MAD1L1: variants seen among roughly 807,000 people sequenced by gnomAD.
MAD1L1 encodes mitotic spindle assembly checkpoint protein MAD1.
MAD1L1 carries 95 observed loss-of-function variants against 96.9 expected under a neutral mutation model. The observed-to-expected ratio is 0.98, with a 90% CI of 0.83 to 1.16. The LOEUF (loss-of-function observed/expected upper bound fraction) is 1.16, where lower values mean the gene tolerates loss of function less well. Ranked by LOEUF, MAD1L1 falls within the 50% of genes most tolerant of loss-of-function variation. The pLI is 0.00. For missense variants in MAD1L1, 1,007 were observed against 954.4 expected, an observed-to-expected ratio of 1.06 and a Z score of -0.73; for synonymous variants, 473 against 396.6, an observed-to-expected ratio of 1.19 and a Z score of -2.29.
intron 10 of MAD1L1, among the ~76,000 whole-genome samples, chr7:2,182,030 C>T (rs1224705918): frequency 6.6e-6 from 1 of 152,076 alleles, no homozygotes; most frequent in Non-Finnish European, 1.5e-5. Flanking sequence ...GGACAGTGTA[C>T]ACTGCTCAGG....
intron 11 of MAD1L1, among the ~76,000 whole-genome samples, chr7:2,126,658 G>A (rs927372186): frequency 6.6e-6 from 1 of 152,210 alleles, no homozygotes; most frequent in African/African-American, 2.4e-5. Flanking sequence ...GGAGGCCCAG[G>A]AGCATCTCTG....
chr7:2,182,794 G>A (rs1354959122), intron 10 of MAD1L1, among the ~76,000 whole-genome samples: 1 of 152,234 alleles, frequency 6.6e-6, no homozygotes, highest in Non-Finnish European at 1.5e-5. Context: ...ACTGCCAGGG[G>A]CTGGGGAAAG....
rs1584249148 is a variant in MAD1L1 at position 2,070,389 on chromosome 7, G to T, written c.1074-1051C>A. Reference sequence around the variant, plus strand: ...AGTCAGGACTCCACCTCCCACATGGGACAGCCGGGCACACAGGTGCTCCCA... The same window carrying T: ...AGTCAGGACTCCACCTCCCACATGGTACAGCCGGGCACACAGGTGCTCCCA... On this transcript the variant is annotated intron_variant, in intron 11 of 18. Coordinates refer to ENST00000265854, the MANE Select transcript of MAD1L1 (RefSeq NM_001013836.2). Among the ~76,000 whole-genome samples the T allele has an allele frequency of 2.0e-5, 3 of 152,208 alleles. 1 individual carries two copies. The highest frequency in any genetic ancestry group is 4.2e-4 in the South Asian group (2 of 4,818).
Position 1,989,925 on chromosome 7 carries a change from G to A in MAD1L1, c.1417-9384C>T, listed in dbSNP as rs1250766215. Among the ~76,000 whole-genome samples the A allele has an allele frequency of 5.3e-5, 8 of 152,294 alleles. No individual in the cohort carries two copies. In the South Asian group the frequency reaches 6.2e-4, roughly 12 times the overall value. On this transcript the variant is annotated intron_variant, in intron 14 of 18. Coordinates refer to ENST00000265854, the MANE Select transcript of MAD1L1 (RefSeq NM_001013836.2). ...TGGTCCTTGTGGCAAACTCACTAGC[G>A]CAGCATAACCTTTAAATAGAGACCT...
At chr7:2,172,734 C>A (rs1015806455) in intron 10 of MAD1L1, among the ~76,000 whole-genome samples, 1 of 152,220 alleles carries the variant, frequency 6.6e-6, no homozygotes, top group African/African-American at 2.4e-5. Context: ...AGGACCGAGG[C>A]CCTAACCAGC....
chr7:2,140,355 G>A (rs1474655902), intron 11 of MAD1L1, among the ~76,000 whole-genome samples: 1 of 152,212 alleles, frequency 6.6e-6, no homozygotes, highest in African/African-American at 2.4e-5. Flanking sequence ...GGACCCTGAA[G>A]GGTGAAGGGT....
rs932976875 is a variant in MAD1L1, at chr7:2,103,094, C to T, written c.1074-33756G>A. ...ACGCTGCCTGCCTGCTGGAGACGCG[C>T]GTCCTCTCCCACCTCAGGGCCCCTG... is the stretch of plus-strand genomic sequence containing the variant. On this transcript the variant is annotated intron_variant, in intron 11 of 18. Transcript: ENST00000265854. This position sits in a 1 kb window ranked among gnomAD's most constrained non-coding sequence, Gnocchi z 4.3. Among the ~76,000 whole-genome samples, 13 of 152,104 alleles carry T rather than the reference C, an allele frequency of 8.5e-5. No homozygotes were observed. The highest frequency in any genetic ancestry group is 2.9e-4 in the African/African-American group (12 of 41,414).
intron 14 of MAD1L1, among the ~76,000 whole-genome samples, chr7:1,993,110 G>A (rs975684104): frequency 6.6e-6 from 1 of 152,160 alleles, no homozygotes; most frequent in African/African-American, 2.4e-5. Context: ...TGGAATGCAC[G>A]GGGGACTTCA....
intron 11 of MAD1L1, among the ~76,000 whole-genome samples, chr7:2,072,818 C>A (rs1785198110): frequency 1.3e-5 from 2 of 152,226 alleles, no homozygotes; most frequent in Non-Finnish European, 2.9e-5. Flanking sequence ...GATGGCTGGG[C>A]AGCCTTGAAG....
chr7:1,887,725 G>A (rs1007427247), intron 18 of MAD1L1, among the ~76,000 whole-genome samples: 6 of 151,050 alleles, frequency 4.0e-5, no homozygotes, highest in Non-Finnish European at 8.8e-5. Context: ...GTGCATACAT[G>A]CATGTATGTG....
chr7:1,942,239 C>T lies in MAD1L1; in HGVS notation c.1597-5342G>A, dbSNP rs1044178265. Among the ~76,000 whole-genome samples the T allele has an allele frequency of 1.3e-4, 20 of 152,168 alleles. 1 individual carries two copies. Among genetic ancestry groups the T allele is most frequent in the South Asian group, 4.1e-4 (2 of 4,830 alleles). On this transcript the variant is annotated intron_variant, in intron 16 of 18. Transcript: ENST00000265854. ...CCCACAGAGGAGCCTCCTGGGCCAA[C>T]ACTCAGCAAGTGGAGGGGACATTCC...
chr7:2,103,189 G>A lies in MAD1L1; in HGVS notation c.1074-33851C>T, dbSNP rs557385128. ...CTGCACCCTACAAAGGGGCAGCTCC[G>A]ACCACGCTTCAGCTCTCAGCCCACA... On this transcript the variant is annotated intron_variant, in intron 11 of 18. Coordinates refer to ENST00000265854, the MANE Select transcript of MAD1L1 (RefSeq NM_001013836.2). This position sits in a 1 kb window ranked among gnomAD's most constrained non-coding sequence, Gnocchi z 4.3. Among the ~76,000 whole-genome samples the A allele has an allele frequency of 7.6e-4, 116 of 152,220 alleles. No homozygotes were observed. Among genetic ancestry groups the A allele is most frequent in the African/African-American group, 2.6e-3 (108 of 41,538 alleles).
chr7:1,825,979 C>T (rs1056059066), intron 18 of MAD1L1, among the ~76,000 whole-genome samples: 4 of 152,158 alleles, frequency 2.6e-5, no homozygotes, highest in African/African-American at 4.8e-5. Context: ...TGGAGGTCGG[C>T]GCGGCCCCAG....
intron 15 of MAD1L1, among the ~76,000 whole-genome samples, chr7:1,977,991 G>A (rs1015341808): frequency 3.9e-5 from 6 of 152,216 alleles, no homozygotes; most frequent in South Asian, 2.1e-4. Context: ...CCTGCCTCGC[G>A]TGGCATTCAG....
In MAD1L1 at chr7:1,998,335, G is replaced by A. The variant is rs568094057; in HGVS notation, c.1416+3730C>T. On this transcript the variant is annotated intron_variant, in intron 14 of 18. Coordinates refer to ENST00000265854, the MANE Select transcript of MAD1L1 (RefSeq NM_001013836.2). ...CCCGGGTCAAGATGCCAGCTCCGAG[G>A]CGTCCGTGCCTCTGTTGGACATGGG... Among the ~76,000 whole-genome samples, 3 of 152,364 alleles carry A rather than the reference G, an allele frequency of 2.0e-5. No individual in the cohort carries two copies. In the East Asian group the frequency reaches 5.8e-4, roughly 29 times the overall value.
At chr7:2,210,581 C>T (rs1053263047) in intron 10 of MAD1L1, among the ~76,000 whole-genome samples, 1 of 152,034 alleles carries the variant, frequency 6.6e-6, no homozygotes, top group Non-Finnish European at 1.5e-5. Context: ...CCCGCATTCC[C>T]GTGGACTGCG....
intron 11 of MAD1L1, chr7:2,148,258 T>C (rs1030735982): frequency 2.6e-5 from 4 of 152,470 alleles, no homozygotes; most frequent in Non-Finnish European, 4.4e-5. Context: ...TGATCATCAA[T>C]GGCAAACAGG....
At chr7:2,023,881 G>A (rs572767994) in intron 12 of MAD1L1, among the ~76,000 whole-genome samples, 9 of 152,028 alleles carry the variant, frequency 5.9e-5, no homozygotes, top group East Asian at 1.9e-4. Context: ...CCTGGGAGGC[G>A]GAAGTTGCAG....
intron 17 of MAD1L1, among the ~76,000 whole-genome samples, chr7:1,911,280 G>C (rs1007686135): frequency 6.6e-6 from 1 of 152,088 alleles, no homozygotes; most frequent in African/African-American, 2.4e-5. Context: ...TTCTTTACTA[G>C]AGTCCAAATT....
Sources: gnomAD v4.1 joint callset for allele counts (sites outside exome capture counted in the v4.1 genomes callset) on GRCh38, gnomAD v4.1.1 for gene constraint, Gnocchi (gnomAD v3.1) non-coding constraint, MANE v1.5 for transcripts, NCBI Gene and HGNC (gene_info 2026-07-23, HGNC 2026-07-21) for gene names.